Variants in ZNF14 observed in about 807,000 individuals in gnomAD.
ZNF14 encodes the protein zinc finger protein 14.
Under a neutral mutation model 11.3 loss-of-function variants are expected in ZNF14, and 9 were observed. The observed-to-expected ratio is 0.80, with a 90% CI of 0.48 to 1.39. ZNF14 has a LOEUF of 1.39. Ranked by LOEUF, ZNF14 falls within the 40% of genes most tolerant of loss-of-function variation. The pLI, the probability that ZNF14 is intolerant of heterozygous loss-of-function variation, is 0.00. For synonymous variants in ZNF14, 239 were observed against 245.7 expected (o/e 0.97, Z 0.25); for missense variants, 711 against 763.9 (o/e 0.93, Z 0.82).
In ZNF14 at chr19:19,714,483, G is replaced by C. The variant is rs190233882; in HGVS notation, c.8C>G (p.Ser3Ter). 1 of 1,613,092 alleles carries C rather than the reference G, an allele frequency of 6.2e-7. No homozygotes were observed. Among genetic ancestry groups the C allele is most frequent in the Admixed American group, 1.7e-5 (1 of 59,500 alleles). MD[S>*]VSFEDVAVNF... ...CACGGCCACATCCTCAAAGGAGACT[G>C]AGTCCTGAAACATTCCACATATGTT... Residue 3 changes from serine to a stop codon, truncating the protein, a stop_gained, in exon 2 of 4, where the codon TCA becomes TGA. Coordinates refer to ENST00000344099, the MANE Select transcript of ZNF14 (RefSeq NM_021030.3). LOFTEE classifies it high-confidence loss of function.
In ZNF14 at chr19:19,710,527, A is replaced by C. The variant is rs1568447528; in HGVS notation, c.*825T>G. 1 of 152,174 alleles carries C rather than the reference A, an allele frequency of 6.6e-6. No homozygotes were observed. Among genetic ancestry groups the C allele is most frequent in the Admixed American group, 6.5e-5 (1 of 15,272 alleles). 9.4% of individuals were successfully genotyped at this position (152,174 alleles called of 1,614,324 possible). A position where few individuals can be genotyped will look rare whatever the true frequency, so the allele number is the denominator to read the frequency against. On this transcript the variant is annotated 3_prime_UTR_variant, in exon 4 of 4. Transcript: ENST00000344099. ...TTACATGATACTTTCTTTCTTATTA[A>C]ATATAACCTGACAATCTTTATTAAA...
Position 19,712,580 on chromosome 19 carries a change from CA to C in ZNF14, c.700del (p.Cys234ValfsTer93). Reference sequence around the variant, plus strand: ...TTTGTGTCTTTGAAAAGATTGGTAACATATAAAGGCTTTCCCACACTGTTTA... The same window carrying C: ...TTTGTGTCTTTGAAAAGATTGGTAACTATAAAGGCTTTCCCACACTGTTTA... ...ECKQCGKAFI[C>X]YQSFQRHKRT... On this transcript the variant is annotated frameshift_variant, in exon 4 of 4. Transcript: ENST00000344099. LOFTEE classifies it low-confidence loss of function (END_TRUNC). 6.2e-7 allele frequency: 1 copy of C among 1,612,510 alleles called. No homozygotes were observed. Among genetic ancestry groups the C allele is most frequent in the Non-Finnish European group, 8.5e-7 (1 of 1,179,602 alleles).
intron 1 of ZNF14, among the ~76,000 whole-genome samples, chr19:19,719,996 T>C (rs923484137): frequency 2.6e-5 from 4 of 152,234 alleles, no homozygotes; most frequent in Non-Finnish European, 5.9e-5. Flanking sequence ...AGGGGCATTA[T>C]GTAATAACAA....
Position 19,726,332 on chromosome 19 carries a change from T to C in ZNF14, c.3+6624A>G, listed in dbSNP as rs1405012154. Among the ~76,000 whole-genome samples, 2 of 134,558 alleles carry C rather than the reference T, an allele frequency of 1.5e-5. 1 individual carries two copies. Among genetic ancestry groups the C allele is most frequent in the Non-Finnish European group, 3.3e-5 (2 of 60,402 alleles). The allele number at this position is 134,558 out of a possible 152,430, so 88.3% of individuals were successfully genotyped here. On this transcript the variant is annotated intron_variant, in intron 1 of 3. Coordinates refer to ENST00000344099, the MANE Select transcript of ZNF14 (RefSeq NM_021030.3). Reference sequence around the variant, plus strand: ...GTCAGGACCCTCAGCTGCAGGTTGGTTGGAGTTTGCTGGAGGTCCACTCCA... The same window carrying C: ...GTCAGGACCCTCAGCTGCAGGTTGGCTGGAGTTTGCTGGAGGTCCACTCCA...
At position 19,712,882 on chromosome 19, in the gene ZNF14, A is replaced by G; in HGVS notation, c.399T>C (p.Tyr133=). 1 of 1,614,162 alleles carries G rather than the reference A, an allele frequency of 6.2e-7. No homozygotes were observed. Among genetic ancestry groups the G allele is most frequent in the Non-Finnish European group, 8.5e-7 (1 of 1,180,026 alleles). Residue 133 remains tyrosine, a synonymous_variant, in exon 4 of 4, where the codon TAT becomes TAC. Coordinates refer to ENST00000344099, the MANE Select transcript of ZNF14 (RefSeq NM_021030.3). The part of the protein sequence containing the change: ...RSHTGQKPNE[Y]QEYEKQPCKC... ...TACATGGTTGCTTTTCATATTCCTGATACTCATTTGGTTTCTGTCCAGTGT... is the reference window on the plus strand; with the variant it reads ...TACATGGTTGCTTTTCATATTCCTGGTACTCATTTGGTTTCTGTCCAGTGT...
chr19:19,717,204 C>G (rs1207436555), intron 1 of ZNF14, among the ~76,000 whole-genome samples: 1 of 152,126 alleles, frequency 6.6e-6, no homozygotes, highest in East Asian at 1.9e-4. Flanking sequence ...CCCACACCAC[C>G]CTTTATAGTT....
At chr19:19,717,765 A>G (rs993428730) in intron 1 of ZNF14, among the ~76,000 whole-genome samples, 2 of 152,228 alleles carry the variant, frequency 1.3e-5, no homozygotes, top group Non-Finnish European at 2.9e-5. Flanking sequence ...AAAGACTGAG[A>G]TCAAATCATA....
intron 1 of ZNF14, among the ~76,000 whole-genome samples, chr19:19,729,623 C>T (rs2062417492): frequency 6.6e-6 from 1 of 151,992 alleles, no homozygotes; most frequent in African/African-American, 2.4e-5. Flanking sequence ...GGCCTACACA[C>T]ACGACTTCTG....
intron 1 of ZNF14, among the ~76,000 whole-genome samples, chr19:19,717,031 G>A (rs570676266): frequency 1.3e-5 from 2 of 152,118 alleles, no homozygotes; most frequent in East Asian, 1.9e-4. Context: ...CTCTGACATC[G>A]ACTGTGCCCT....
At position 19,712,217 on chromosome 19, in the gene ZNF14, C is replaced by A. The variant is rs765593209; in HGVS notation, c.1064G>T (p.Arg355Ile). 1.7e-5 allele frequency: 28 copies of A among 1,613,846 alleles called. No individual in the cohort carries two copies. The highest frequency in any genetic ancestry group is 8.3e-5 in the Admixed American group (5 of 59,954). Residue 355 changes from arginine to isoleucine, a missense_variant, in exon 4 of 4, where the codon AGA becomes ATA. Physicochemically the swap from Arg to Ile is moderately conservative, Grantham distance 97. Coordinates refer to ENST00000344099, the MANE Select transcript of ZNF14 (RefSeq NM_021030.3). ...NSSNSCRVHE[R>I]THIGEKPYEC... The stretch of plus-strand genomic sequence containing the variant: ...ATATGGTTTTTCTCCAATATGAGTT[C>A]TTTCATGCACTCGACAGGAATTAGA...
chr19:19,713,748 C>CTTTTTTTTTTTTTTTTTTTTTTTT (rs71172526), intron 3 of ZNF14, among the ~76,000 whole-genome samples: 2 of 120,188 alleles, frequency 1.7e-5, no homozygotes. Flanking sequence ...TGTGCCAGGC[C>CTTTTTTTTTTTTTTTTTTTTTTTT]TTTTTTTTTT....
chr19:19,718,412 G>C (rs1216435981), intron 1 of ZNF14, among the ~76,000 whole-genome samples: 1 of 152,174 alleles, frequency 6.6e-6, no homozygotes, highest in Non-Finnish European at 1.5e-5. Context: ...AAGAGATGAT[G>C]AGTGATCTTG....
At chr19:19,723,712 C>T (rs1379230482) in intron 1 of ZNF14, among the ~76,000 whole-genome samples, 1 of 132,622 alleles carries the variant, frequency 7.5e-6, no homozygotes, top group African/African-American at 2.8e-5. Context: ...CCATCTGGTC[C>T]TGGGCTTTTT....
rs765829987 is a variant in ZNF14 at position 19,712,307 on chromosome 19, T to C, written c.974A>G (p.His325Arg). Residue 325 changes from histidine to arginine, a missense_variant, in exon 4 of 4, where the codon CAT becomes CGT. Physicochemically the swap from His to Arg is conservative, Grantham distance 29. Transcript: ENST00000344099. ...TCGAGCCCCAGTGTGTATTATTACA[T>C]GTGCTCGAAAGCTTGCAGAATAAAA... ...AFFYSASFRAHVIIHTGARPY... is the reference protein window; with the variant it reads ...AFFYSASFRARVIIHTGARPY... 1.2e-6 allele frequency: 2 copies of C among 1,614,110 alleles called. No homozygotes were observed. The highest frequency in any genetic ancestry group is 2.2e-5 in the East Asian group (1 of 44,878).
chr19:19,721,257 TTC>T (rs2062392837), intron 1 of ZNF14, among the ~76,000 whole-genome samples: 1 of 152,056 alleles, frequency 6.6e-6, no homozygotes, highest in Admixed American at 6.6e-5. Flanking sequence ...CCCCCGGCCC[TTC>T]CTACTCTTAC....
In ZNF14 at chr19:19,711,744, TGAA is replaced by T; in HGVS notation, c.1534_1536del (p.Phe512del). On this transcript the variant is annotated inframe_deletion, in exon 4 of 4. Coordinates refer to ENST00000344099, the MANE Select transcript of ZNF14 (RefSeq NM_021030.3). The stretch of plus-strand genomic sequence containing the variant: ...TGTTCTCGAAGGGAACTTGAAAAAC[TGAA>T]GGTTTTACCGCATAGTTTACATTCA... 1 of 1,614,182 alleles carries T rather than the reference TGAA, an allele frequency of 6.2e-7. No individual in the cohort carries two copies. The highest frequency in any genetic ancestry group is 8.5e-7 in the Non-Finnish European group (1 of 1,180,026).
At chr19:19,723,183 A>G (rs917278821) in intron 1 of ZNF14, among the ~76,000 whole-genome samples, 5 of 151,994 alleles carry the variant, frequency 3.3e-5, no homozygotes, top group African/African-American at 1.2e-4. Flanking sequence ...CTTCCAGTTT[A>G]TGCCCATTCA....
Position 19,711,110 on chromosome 19 carries a change from AGATTTCACTGCAGCAC to A in ZNF14, c.*226_*241del. On this transcript the variant is annotated 3_prime_UTR_variant, in exon 4 of 4. Transcript: ENST00000344099. ...AAAAACAAAAAACAAAAAACAAAAC[AGATTTCACTGCAGCAC>A]GAGTCCTGTCTTTGAAATGAATTAG... 2.3e-6 allele frequency: 1 copy of A among 438,774 alleles called. No individual in the cohort carries two copies. The highest frequency in any genetic ancestry group is 3.9e-5 in the Admixed American group (1 of 25,528). 27.2% of individuals were successfully genotyped at this position (438,774 alleles called of 1,614,324 possible).
In ZNF14 at chr19:19,720,371, G is replaced by A. The variant is rs923549112; in HGVS notation, c.4-5884C>T. ...TTTTTTTTTTTTGAGATGGAGTCTC[G>A]CTCTTGTTGCCCAGGCTGGAGTGCA... is the stretch of plus-strand genomic sequence containing the variant. On this transcript the variant is annotated intron_variant, in intron 1 of 3. Coordinates refer to ENST00000344099, the MANE Select transcript of ZNF14 (RefSeq NM_021030.3). This position sits in a 1 kb window ranked among gnomAD's most constrained non-coding sequence, Gnocchi z 4.1. Among the ~76,000 whole-genome samples, 3 of 144,884 alleles carry A rather than the reference G, an allele frequency of 2.1e-5. No homozygotes were observed. The highest frequency in any genetic ancestry group is 7.1e-5 in the Admixed American group (1 of 14,174).
Sources: allele counts gnomAD v4.1 joint callset (sites outside exome capture counted in the v4.1 genomes callset), GRCh38; gene constraint gnomAD v4.1.1; non-coding constraint Gnocchi (gnomAD v3.1); transcripts MANE v1.5; gene names NCBI Gene and HGNC (gene_info 2026-07-23, HGNC 2026-07-21).